The following TRIM38 variants were observed in gnomAD, a reference collection of about 807,000 sequenced individuals.
TRIM38 encodes the protein tripartite motif containing 38.
A neutral mutation model predicts 35.8 loss-of-function variants in TRIM38; 35 were observed. That is an observed-to-expected ratio of 0.98 (90% CI 0.75 to 1.30). The LOEUF (loss-of-function observed/expected upper bound fraction) is 1.30. Ranked by LOEUF, TRIM38 falls within the 50% of genes most tolerant of loss-of-function variation. The pLI is 0.00. For missense variants in TRIM38, 545 were observed against 556.9 expected (o/e 0.98, Z 0.21); for synonymous variants, 198 against 204.7 (o/e 0.97, Z 0.28).
rs1760290982 is a variant in TRIM38, at chr6:25,973,176, T to C, written c.765T>C (p.Ser255=). 1 of 1,614,126 alleles carries C rather than the reference T, an allele frequency of 6.2e-7. No individual in the cohort carries two copies. Among genetic ancestry groups the C allele is most frequent in the Non-Finnish European group, 8.5e-7 (1 of 1,179,994 alleles). ...CTCTCGCCTCTGCTTATTCTAGGAG[T>C]TGGGCTGTGAAGCTGGAAACATCAG... ...LQNVNDTLSR[S]WAVKLETSEA... Residue 255 remains serine (S), a synonymous_variant, in exon 7 of 8, where the codon AGT becomes AGC. Transcript: ENST00000357085.
At position 25,986,919 on chromosome 6, in the gene TRIM38, C is replaced by G. The variant is rs939288610; in HGVS notation, c.*3232C>G. On this transcript the variant is annotated 3_prime_UTR_variant, in exon 8 of 8. Coordinates refer to ENST00000357085, the MANE Select transcript of TRIM38 (RefSeq NM_006355.5). ...AGGGTGAAGAGCATGTGTGCAACAG[C>G]TCTCTTTTACTCTAGTGTCCTAAAA... 1 of 152,178 alleles carries G rather than the reference C, an allele frequency of 6.6e-6. No homozygotes were observed. Among genetic ancestry groups the G allele is most frequent in the South Asian group, 2.1e-4 (1 of 4,830 alleles). The allele number at this position is 152,178 out of a possible 1,614,324, so 9.4% of individuals were successfully genotyped here.
At chr6:25,968,962 C>A (rs1374089482) in intron 3 of TRIM38, among the ~76,000 whole-genome samples, 1 of 152,212 alleles carries the variant, frequency 6.6e-6, no homozygotes, top group Non-Finnish European at 1.5e-5. Flanking sequence ...CTATATCCAA[C>A]TTTTTCCTGG....
Position 25,983,845 on chromosome 6 carries a change from A to C in TRIM38, c.*158A>C. The C allele has an allele frequency of 1.5e-6, 1 of 677,558 alleles. No homozygotes were observed. Among genetic ancestry groups the C allele is most frequent in the Non-Finnish European group, 2.3e-6 (1 of 425,702 alleles). 42.0% of individuals were successfully genotyped at this position (677,558 alleles called of 1,614,324 possible). Reference sequence around the variant, plus strand: ...TATATAATTGATTTATGTTGAATATATGGACTTAGCAACTAAAAATACCAC... The same window carrying C: ...TATATAATTGATTTATGTTGAATATCTGGACTTAGCAACTAAAAATACCAC... On this transcript the variant is annotated 3_prime_UTR_variant, in exon 8 of 8. Coordinates refer to ENST00000357085, the MANE Select transcript of TRIM38 (RefSeq NM_006355.5).
intron 5 of TRIM38, 52 bp downstream of exon 5, chr6:25,972,151 A>G (rs773747204): frequency 1.3e-6 from 2 of 1,489,736 alleles, no homozygotes; most frequent in African/African-American, 1.4e-5. Context: ...AGTGCTATTA[A>G]AGGAGAATGG....
Position 25,983,480 on chromosome 6 carries a change from T to C in TRIM38, c.1191T>C (p.Thr397=). ...AAAAGAAAGGCTATGTAGCACTTAC[T>C]TCTCCCCCAACTTCCCTTCATCTGC... ...LCKKKGYVAL[T]SPPTSLHLHE... Residue 397 remains threonine, a synonymous_variant, in exon 8 of 8, where the codon ACT becomes ACC. Coordinates refer to ENST00000357085, the MANE Select transcript of TRIM38 (RefSeq NM_006355.5). 6.2e-7 allele frequency: 1 copy of C among 1,614,136 alleles called. No individual in the cohort carries two copies. The highest frequency in any genetic ancestry group is 1.1e-5 in the South Asian group (1 of 91,084).
chr6:25,964,552 C>T (rs1467087058), intron 2 of TRIM38, among the ~76,000 whole-genome samples: 2 of 152,244 alleles, frequency 1.3e-5, no homozygotes, highest in Admixed American at 1.3e-4. Flanking sequence ...CTCTTTTCTT[C>T]AGTACAAAAT....
chr6:25,978,804 C>T (rs1466221857), intron 7 of TRIM38, among the ~76,000 whole-genome samples: 1 of 152,136 alleles, frequency 6.6e-6, no homozygotes, highest in Non-Finnish European at 1.5e-5. Flanking sequence ...GTAGCTGGGA[C>T]TATTGGTGTG....
chr6:25,965,555 G>A (rs550180114), intron 2 of TRIM38, among the ~76,000 whole-genome samples: 3 of 152,124 alleles, frequency 2.0e-5, no homozygotes, highest in Admixed American at 1.3e-4. Context: ...CCAGGAGGTC[G>A]AGGCTGCAGT....
At chr6:25,971,820 T>C (rs1311708363) in intron 4 of TRIM38, 49 bp from the exon 5 acceptor site, 6 of 1,488,164 alleles carry the variant, frequency 4.0e-6, no homozygotes, top group Admixed American at 3.4e-5. Flanking sequence ...CATCCATAGA[T>C]GGACATTTGG....
chr6:25,966,982 C>T (rs1760079907), intron 3 of TRIM38, 49 bp downstream of exon 3: 1 of 1,512,428 alleles, frequency 6.6e-7, no homozygotes, highest in Non-Finnish European at 8.9e-7. Flanking sequence ...TCTTATCCTG[C>T]TCCCCAGGAG....
At chr6:25,969,470 A>G (rs777814547) in intron 4 of TRIM38, 50 bp downstream of exon 4, 2 of 1,459,230 alleles carry the variant, frequency 1.4e-6, no homozygotes, top group South Asian at 2.5e-5. Context: ...TCTAGAGCTT[A>G]GGCATAGGGG....
intron 7 of TRIM38, among the ~76,000 whole-genome samples, chr6:25,978,650 G>A (rs1443482382): frequency 6.6e-6 from 1 of 151,966 alleles, no homozygotes; most frequent in African/African-American, 2.4e-5. Flanking sequence ...ACAGGAACAG[G>A]CCACCATACC....
chr6:25,972,049 A>G lies in TRIM38; in HGVS notation c.688A>G (p.Ile230Val). 2 of 1,614,226 alleles carry G rather than the reference A, an allele frequency of 1.2e-6. No homozygotes were observed. The highest frequency in any genetic ancestry group is 1.7e-6 in the Non-Finnish European group (2 of 1,180,022). Residue 230 changes from isoleucine (I) to valine (V), a missense_variant, in exon 5 of 8, where the codon ATC becomes GTC. Transcript: ENST00000357085. ...GAAGAGCAATGAACTCAAGAGCCAC[A>G]TCCTGGAACTGGAGGAAAAATGTCA... Reference protein sequence around the residue: ...GLKSNELKSHILELEEKCQGS... With the variant: ...GLKSNELKSHVLELEEKCQGS...
chr6:25,966,161 C>G (rs1042907427), intron 2 of TRIM38, among the ~76,000 whole-genome samples, 174 bp from the exon 3 acceptor site: 1 of 152,086 alleles, frequency 6.6e-6, no homozygotes, highest in African/African-American at 2.4e-5. Context: ...AAAGCTTATG[C>G]TATTTTAATG....
At chr6:25,976,908 T>G (rs182138358) in intron 7 of TRIM38, among the ~76,000 whole-genome samples, 1 of 152,320 alleles carries the variant, frequency 6.6e-6, no homozygotes, top group East Asian at 1.9e-4. Flanking sequence ...GGTACCTAAT[T>G]GTGTACTTAA....
At position 25,983,558 on chromosome 6, in the gene TRIM38, A is replaced by G. The variant is rs957793201; in HGVS notation, c.1269A>G (p.Val423=). ...TTCTGGACTATGAGGCCGGAGTTGT[A>G]TCCTTTTATAACGGGAATACTGGCT... The part of the protein sequence containing the change: ...GIFLDYEAGV[V]SFYNGNTGCH... Residue 423 remains valine, a synonymous_variant, in exon 8 of 8, where the codon GTA becomes GTG. Transcript: ENST00000357085. The G allele has an allele frequency of 1.2e-6, 2 of 1,614,024 alleles. No individual in the cohort carries two copies. Among genetic ancestry groups the G allele is most frequent in the Non-Finnish European group, 1.7e-6 (2 of 1,180,002 alleles).
chr6:25,968,481 T>C (rs1760128107), intron 3 of TRIM38, among the ~76,000 whole-genome samples: 1 of 152,198 alleles, frequency 6.6e-6, no homozygotes, highest in Non-Finnish European at 1.5e-5. Context: ...GGTTATAAGC[T>C]TTGAGGACAT....
In TRIM38 at chr6:25,984,489, A is replaced by G. The variant is rs1019970779; in HGVS notation, c.*802A>G. 1 of 152,314 alleles carries G rather than the reference A, an allele frequency of 6.6e-6. No individual in the cohort carries two copies. The highest frequency in any genetic ancestry group is 2.4e-5 in the African/African-American group (1 of 41,464). The allele number at this position is 152,314 out of a possible 1,614,324, so 9.4% of individuals were successfully genotyped here. On this transcript the variant is annotated 3_prime_UTR_variant, in exon 8 of 8. Coordinates refer to ENST00000357085, the MANE Select transcript of TRIM38 (RefSeq NM_006355.5). ...GAAAAAGACCAAATTACCATACCCG[A>G]GTGAGTAATGACAGGACTACAACTA...
At chr6:25,969,581 C>G (rs1048008113) in intron 4 of TRIM38, among the ~76,000 whole-genome samples, 161 bp downstream of exon 4, 1 of 152,190 alleles carries the variant, frequency 6.6e-6, no homozygotes. Flanking sequence ...GCCCCTGGTT[C>G]CAGGTTTACA....
Sources: gnomAD v4.1 joint callset for allele counts (sites outside exome capture counted in the v4.1 genomes callset) on GRCh38, gnomAD v4.1.1 for gene constraint, MANE v1.5 for transcripts, NCBI Gene and HGNC (gene_info 2026-07-23, HGNC 2026-07-21) for gene names.